The following SH3RF1 variants were observed in gnomAD, a reference collection of about 807,000 sequenced individuals.
SH3RF1 encodes the protein SH3 domain containing ring finger 1.
A neutral mutation model predicts 74.0 loss-of-function variants in SH3RF1; 32 were observed. The ratio of observed to expected loss-of-function variants is 0.43; its 90% CI spans 0.33 to 0.58. The LOEUF (loss-of-function observed/expected upper bound fraction) is 0.58. SH3RF1 is among the 20% of genes least tolerant of loss of function. SH3RF1 has a pLI of 0.05. For synonymous variants in SH3RF1, 396 were observed against 439.6 expected (o/e 0.90, Z 1.24); for missense variants, 954 against 1,130.9 (o/e 0.84, Z 2.24).
intron 2 of SH3RF1, among the ~76,000 whole-genome samples, chr4:169,173,071 G>C (rs748104100): frequency 2.0e-5 from 3 of 152,142 alleles, no homozygotes; most frequent in Non-Finnish European, 4.4e-5. Flanking sequence ...GATATACAAA[G>C]AGGAGTAATA....
chr4:169,169,973 A>G (rs1734299860), intron 2 of SH3RF1, among the ~76,000 whole-genome samples: 1 of 152,098 alleles, frequency 6.6e-6, no homozygotes. Flanking sequence ...CCATTATTCG[A>G]CTGTGCAAGA....
In SH3RF1 at chr4:169,141,477, C is replaced by T. The variant is rs572865070; in HGVS notation, c.766-4857G>A. ...TAGATCAAAGTGTAAGTTTAAAAAT[C>T]GTTTTTTGAAGTAACAAGGTGTATT... On this transcript the variant is annotated intron_variant, in intron 4 of 11. Coordinates refer to ENST00000284637, the MANE Select transcript of SH3RF1 (RefSeq NM_020870.4). Among the ~76,000 whole-genome samples the T allele has an allele frequency of 4.6e-4, 70 of 152,146 alleles. 1 individual carries two copies. The highest frequency in any genetic ancestry group is 1.6e-3 in the African/African-American group (66 of 41,498).
chr4:169,115,093 C>T (rs1034508592), intron 10 of SH3RF1, among the ~76,000 whole-genome samples: 7 of 152,146 alleles, frequency 4.6e-5, no homozygotes, highest in Non-Finnish European at 1.0e-4. Context: ...ACCCAACCAT[C>T]GGTTATTCTT....
chr4:169,223,756 C>T (rs1730609160), intron 2 of SH3RF1, among the ~76,000 whole-genome samples: 1 of 152,016 alleles, frequency 6.6e-6, no homozygotes, highest in African/African-American at 2.4e-5. Context: ...TAAAAATAAA[C>T]CAGGGTAAGA....
intron 2 of SH3RF1, among the ~76,000 whole-genome samples, chr4:169,225,843 C>G (rs1331178408): frequency 1.3e-5 from 2 of 152,022 alleles, no homozygotes; most frequent in Non-Finnish European, 2.9e-5. Context: ...ATTGAAGTTG[C>G]AGGATGATAT....
chr4:169,106,870 C>G lies in SH3RF1; in HGVS notation c.2475G>C (p.Glu825Asp). ...ACSSLGPVLN[E>D]SRPVVCERHR... ...ACCTTTCACAAACGACAGGTCTAGA[C>G]TCATTCAAGACAGGACCCAGGGAGG... is the stretch of plus-strand genomic sequence containing the variant. Residue 825 changes from glutamate to aspartate, a missense_variant, in exon 11 of 12, where the codon GAG (glutamate) becomes GAC (aspartate). Coordinates refer to ENST00000284637, the MANE Select transcript of SH3RF1 (RefSeq NM_020870.4). 1 of 1,609,926 alleles carries G rather than the reference C, an allele frequency of 6.2e-7. No individual in the cohort carries two copies. Among genetic ancestry groups the G allele is most frequent in the Non-Finnish European group, 8.5e-7 (1 of 1,178,218 alleles).
At chr4:169,163,611 C>T (rs1467007846) in intron 2 of SH3RF1, among the ~76,000 whole-genome samples, 1 of 152,180 alleles carries the variant, frequency 6.6e-6, no homozygotes, top group Non-Finnish European at 1.5e-5. Context: ...TCTTTACAAT[C>T]TGGAGACAGT....
chr4:169,224,614 G>A (rs763590760), intron 2 of SH3RF1, among the ~76,000 whole-genome samples: 1 of 152,088 alleles, frequency 6.6e-6, no homozygotes, highest in Non-Finnish European at 1.5e-5. Flanking sequence ...CACCACCACC[G>A]ACCTCTAATT....
intron 2 of SH3RF1, among the ~76,000 whole-genome samples, chr4:169,211,481 C>CAAA (rs760721489): frequency 9.9e-5 from 9 of 90,810 alleles, no homozygotes; most frequent in South Asian, 4.2e-4. Context: ...GACTCCGTCT[C>CAAA]AAAAAAAAAA....
intron 2 of SH3RF1, among the ~76,000 whole-genome samples, chr4:169,190,468 C>A (rs1734682157): frequency 6.6e-6 from 1 of 151,894 alleles, no homozygotes; most frequent in East Asian, 1.9e-4. Flanking sequence ...ACTAGAAAAC[C>A]TAGAGGAGAT....
rs1253305606 is a variant in SH3RF1 at position 169,145,998 on chromosome 4, CATATTCTAT to C, written c.766-9387_766-9379del. ...ATATATTATTCTATATAAAATATTA[CATATTCTAT>C]ATATTCTATATAAAATATTACATAT... On this transcript the variant is annotated intron_variant, in intron 4 of 11. Coordinates refer to ENST00000284637, the MANE Select transcript of SH3RF1 (RefSeq NM_020870.4). Among the ~76,000 whole-genome samples, 12 of 88,536 alleles carry C rather than the reference CATATTCTAT, an allele frequency of 1.4e-4. 2 individuals carry two copies. Among genetic ancestry groups the C allele is most frequent in the Non-Finnish European group, 1.2e-4 (5 of 42,816 alleles). 58.1% of individuals were successfully genotyped at this position (88,536 alleles called of 152,430 possible).
intron 2 of SH3RF1, chr4:169,217,589 A>G (rs149414555): frequency 2.8e-3 from 422 of 152,396 alleles, no homozygotes; most frequent in Non-Finnish European, 4.7e-3. Context: ...GTACAAGACA[A>G]GTTACTAAAC....
chr4:169,211,733 G>A (rs1730373255), intron 2 of SH3RF1, among the ~76,000 whole-genome samples: 1 of 152,102 alleles, frequency 6.6e-6, no homozygotes, highest in Admixed American at 6.6e-5. Flanking sequence ...GTATGTGTGT[G>A]GTTTATGGAT....
chr4:169,240,676 A>T (rs991930333), intron 2 of SH3RF1, among the ~76,000 whole-genome samples: 1 of 152,170 alleles, frequency 6.6e-6, no homozygotes, highest in African/African-American at 2.4e-5. Context: ...TCATTAACAT[A>T]TTCATCACCT....
intron 2 of SH3RF1, among the ~76,000 whole-genome samples, chr4:169,208,477 A>G: frequency 6.6e-6 from 1 of 152,192 alleles, no homozygotes; most frequent in East Asian, 1.9e-4. Context: ...TAGGACAGAC[A>G]CAAATGTTTC....
intron 5 of SH3RF1, among the ~76,000 whole-genome samples, chr4:169,135,282 G>A (rs1733682425): frequency 6.6e-6 from 1 of 152,040 alleles, no homozygotes; most frequent in African/African-American, 2.4e-5. Context: ...TTACTAGAAT[G>A]TAAACTTTTT....
chr4:169,255,622 TACAC>T (rs56229906), intron 2 of SH3RF1, among the ~76,000 whole-genome samples: 7,526 of 124,702 alleles, frequency 0.06, 256 homozygotes, highest in South Asian at 0.16. Context: ...CATACACACA[TACAC>T]ACACACACAC....
Sources: allele counts gnomAD v4.1 joint callset (sites outside exome capture counted in the v4.1 genomes callset), GRCh38; gene constraint gnomAD v4.1.1; transcripts MANE v1.5; gene names NCBI Gene and HGNC (gene_info 2026-07-23, HGNC 2026-07-21).